RDH8: variants seen among roughly 807,000 people sequenced by gnomAD.
The protein encoded by RDH8 is photoreceptor outer segment all-trans retinol dehydrogenase.
In RDH8, 14 loss-of-function variants were observed where a neutral mutation model predicts 22.3. The ratio of observed to expected loss-of-function variants is 0.63; its 90% CI spans 0.42 to 0.98. The LOEUF is 0.98. RDH8 is among the 50% of genes least tolerant of loss of function. The probability of loss-of-function intolerance (pLI) is 0.00; values close to 1 mark genes in which losing one functional copy is unlikely to be tolerated. For synonymous variants in RDH8, 175 were observed against 171.7 expected, an observed-to-expected ratio of 1.02 and a Z score of -0.15; for missense variants, 389 against 409.8, an observed-to-expected ratio of 0.95 and a Z score of 0.44.
In RDH8 at chr19:10,021,263, TG is replaced by T; in HGVS notation, c.547del (p.Val183TrpfsTer82). 2 of 1,614,048 alleles carry T rather than the reference TG, an allele frequency of 1.2e-6. No individual in the cohort carries two copies. Among genetic ancestry groups the T allele is most frequent in the South Asian group, 2.2e-5 (2 of 91,082 alleles). ...CCATGCCTGGTCGCCAGCATCTCCCTGGTGGAGCCAGGCCCCGTGGTCACCG... is the reference window on the plus strand; with the variant it reads ...CCATGCCTGGTCGCCAGCATCTCCCTGTGGAGCCAGGCCCCGTGGTCACCG... ...QLLQFNIFIS[L>X]VEPGPVVTEF... On this transcript the variant is annotated frameshift_variant, in exon 5 of 6. Transcript: ENST00000591589. LOFTEE classifies it high-confidence loss of function.
rs1285445055 is a variant in RDH8 at position 10,021,517 on chromosome 19, G to A, written c.721-17G>A. ...GGCCCTCCCTGGGTCCCAGCGCTCA[G>A]GGCCTCCATTCTGCAGGCCATTGTC... On this transcript the variant is annotated splice_polypyrimidine_tract_variant and intron_variant, in intron 5 of 5. Coordinates refer to ENST00000591589, the MANE Select transcript of RDH8 (RefSeq NM_015725.4). 1 of 1,614,016 alleles carries A rather than the reference G, an allele frequency of 6.2e-7. No homozygotes were observed. Among genetic ancestry groups the A allele is most frequent in the East Asian group, 2.2e-5 (1 of 44,872 alleles).
At chr19:10,019,757 C>T (rs1430561986) in intron 3 of RDH8, among the ~76,000 whole-genome samples, 1 of 150,770 alleles carries the variant, frequency 6.6e-6, no homozygotes, top group East Asian at 2.0e-4. Context: ...GCTGAGATTG[C>T]GCCATTGCAC....
Position 10,017,127 on chromosome 19 carries a change from G to T in RDH8, c.174G>T (p.Gln58His), listed in dbSNP as rs762128512. 1 of 1,611,438 alleles carries T rather than the reference G, an allele frequency of 6.2e-7. No homozygotes were observed. Among genetic ancestry groups the T allele is most frequent in the East Asian group, 2.2e-5 (1 of 44,858 alleles). ...CAGCTGCTGGGGAGGCTCTGGGGCA[G>T]ACCCTCACCGTGGCCCAGCTGGACG... ...LEAAAGEALG[Q>H]TLTVAQLDVC... Residue 58 changes from glutamine (Q) to histidine (H), a missense_variant, in exon 2 of 6, where the codon CAG becomes CAT. Gln to His is a conservative substitution (Grantham distance 24, BLOSUM62 0). Transcript: ENST00000591589.
intron 1 of RDH8, among the ~76,000 whole-genome samples, chr19:10,015,147 C>T (rs1030265304): frequency 6.6e-6 from 1 of 152,100 alleles, no homozygotes; most frequent in Non-Finnish European, 1.5e-5. Context: ...ATGCTGAGGT[C>T]CTGCTTAAGA....
chr19:10,017,328 TGGGCAGAAG>T, intron 2 of RDH8, 113 bp downstream of exon 2: 3 of 1,181,798 alleles, frequency 2.5e-6, no homozygotes, highest in Non-Finnish European at 3.4e-6. Context: ...TCTCTGAACC[TGGGCAGAAG>T]GGGTAGACCA....
rs1020520832 is a variant in RDH8, at chr19:10,018,754, G to A, written c.286G>A (p.Val96Met). 19 of 1,611,608 alleles carry A rather than the reference G, an allele frequency of 1.2e-5. No individual in the cohort carries two copies. Among genetic ancestry groups the A allele is most frequent in the Non-Finnish European group, 1.6e-5 (19 of 1,178,506 alleles). The change falls in exon 3 of 6, where the codon GTG becomes ATG. Residue 96 changes from valine to methionine, a missense_variant. Val to Met is a conservative substitution (Grantham distance 21). Transcript: ENST00000591589. Reference sequence around the variant, plus strand: ...AGTGAATAATGCTGGAATGGGCCTGGTGGGGCCCCTGGAGGGGCTCAGCCT... The same window carrying A: ...AGTGAATAATGCTGGAATGGGCCTGATGGGGCCCCTGGAGGGGCTCAGCCT... ...VLVNNAGMGLVGPLEGLSLAA... is the reference protein window; with the variant it reads ...VLVNNAGMGLMGPLEGLSLAA...
Position 10,021,986 on chromosome 19 carries a change from C to T in RDH8, c.*237C>T, listed in dbSNP as rs2287801. 0.11 allele frequency: 59,531 copies of T among 548,876 alleles called. 3,570 individuals carry two copies. Among genetic ancestry groups the T allele is most frequent in the South Asian group, 0.16 (7,018 of 44,308 alleles). The allele number at this position is 548,876 out of a possible 1,614,324, so 34.0% of individuals were successfully genotyped here. A position where few individuals can be genotyped will look rare whatever the true frequency, so the allele number is the denominator to read the frequency against. Reference sequence around the variant, plus strand: ...GGAACTTGGCCTGGGAAGCCCAGAGCAGGAAGCCACAGCTGTCTCTGGGAA... The same window carrying T: ...GGAACTTGGCCTGGGAAGCCCAGAGTAGGAAGCCACAGCTGTCTCTGGGAA... On this transcript the variant is annotated 3_prime_UTR_variant, in exon 6 of 6. Coordinates refer to ENST00000591589, the MANE Select transcript of RDH8 (RefSeq NM_015725.4).
chr19:10,019,019 G>A lies in RDH8; in HGVS notation c.442+109G>A, dbSNP rs914695321. On this transcript the variant is annotated intron_variant, in intron 3 of 5. Coordinates refer to ENST00000591589, the MANE Select transcript of RDH8 (RefSeq NM_015725.4). ...CATATTCTAAATTAGCATGGACCCT[G>A]GGCACGGTGATTCATGCCTGTAATC... 7 of 915,864 alleles carry A rather than the reference G, an allele frequency of 7.6e-6. No individual in the cohort carries two copies. In the African/African-American group the frequency reaches 1.2e-4, roughly 15 times the overall value. 56.7% of individuals were successfully genotyped at this position (915,864 alleles called of 1,614,324 possible). A position where few individuals can be genotyped will look rare whatever the true frequency, so the allele number is the denominator to read the frequency against.
Position 10,017,067 on chromosome 19 carries a change from C to T in RDH8, c.114C>T (p.Thr38=). The change falls in exon 2 of 6, where the codon ACC becomes ACT. Residue 38 remains threonine (T), a synonymous_variant. Transcript: ENST00000591589. ...CTCTCTGCCCCGCAGTCGTGGCCAC[C>T]ATGAGGGACCTGGGGAAGAAGGAGA... The part of the protein sequence containing the change: ...DPKKRYQVVA[T]MRDLGKKETL... 1 of 1,581,544 alleles carries T rather than the reference C, an allele frequency of 6.3e-7. No individual in the cohort carries two copies. The highest frequency in any genetic ancestry group is 1.3e-5 in the African/African-American group (1 of 74,488).
At position 10,022,138 on chromosome 19, in the gene RDH8, A is replaced by C; in HGVS notation, c.*389A>C. The C allele has an allele frequency of 4.5e-6, 1 of 219,886 alleles. No homozygotes were observed. Among genetic ancestry groups the C allele is most frequent in the East Asian group, 1.2e-4 (1 of 8,472 alleles). The allele number at this position is 219,886 out of a possible 1,614,324, so 13.6% of individuals were successfully genotyped here. ...AGAACACAGGAATGATTCATAGCCC[A>C]CCCCCCACCTCCATGCATACACCAG... On this transcript the variant is annotated 3_prime_UTR_variant, in exon 6 of 6. Coordinates refer to ENST00000591589, the MANE Select transcript of RDH8 (RefSeq NM_015725.4).
In RDH8 at chr19:10,013,706, C is replaced by G; in HGVS notation, c.103+106C>G. 2.6e-6 allele frequency: 3 copies of G among 1,139,118 alleles called. 1 individual carries two copies. 70.6% of individuals were successfully genotyped at this position (1,139,118 alleles called of 1,614,324 possible). A position where few individuals can be genotyped will look rare whatever the true frequency, so the allele number is the denominator to read the frequency against. ...AGCTGCACTTGTGGGCTTGGGGAGA[C>G]CCAGGATTCCCTCCAGGAATCATCC... On this transcript the variant is annotated intron_variant, in intron 1 of 5. Transcript: ENST00000591589.
chr19:10,020,049 G>A (rs2087645928), intron 3 of RDH8, among the ~76,000 whole-genome samples: 1 of 151,910 alleles, frequency 6.6e-6, no homozygotes, highest in South Asian at 2.1e-4. Context: ...GCTGAGGCAG[G>A]AGATTCACTT....
In RDH8 at chr19:10,021,592, G is replaced by A. The variant is rs1433016829; in HGVS notation, c.779G>A (p.Arg260His). The A allele has an allele frequency of 1.9e-6, 3 of 1,614,008 alleles. No individual in the cohort carries two copies. Among genetic ancestry groups the A allele is most frequent in the African/African-American group, 1.3e-5 (1 of 74,918 alleles). Residue 260 changes from arginine (R) to histidine (H), a missense_variant, in exon 6 of 6, where the codon CGC becomes CAC. Coordinates refer to ENST00000591589, the MANE Select transcript of RDH8 (RefSeq NM_015725.4). ...RPPLRRQTNI[R>H]YSPLTTLKTV... ...CCCCTGCGCCGACAGACCAACATCC[G>A]CTACTCGCCGCTGACCACGCTCAAA...
At chr19:10,014,217 G>C (rs945282126) in intron 1 of RDH8, among the ~76,000 whole-genome samples, 1 of 152,172 alleles carries the variant, frequency 6.6e-6, no homozygotes, top group South Asian at 2.1e-4. Context: ...GAGTCAAAGT[G>C]GGCAAAGGGT....
intron 1 of RDH8, among the ~76,000 whole-genome samples, chr19:10,015,318 T>G (rs1433789124): frequency 1.3e-5 from 2 of 151,644 alleles, no homozygotes; most frequent in African/African-American, 2.4e-5. Context: ...CCAGGCGTGG[T>G]GGTGGATGCC....
chr19:10,021,683 C>T lies in RDH8; in HGVS notation c.870C>T (p.Arg290=), dbSNP rs147668329. 8 of 1,614,058 alleles carry T rather than the reference C, an allele frequency of 5.0e-6. No homozygotes were observed. In the African/African-American group the frequency reaches 1.1e-4, roughly 22 times the overall value. The change falls in exon 6 of 6, where the codon CGC becomes CGT. Residue 290 remains arginine (R), a synonymous_variant. Coordinates refer to ENST00000591589, the MANE Select transcript of RDH8 (RefSeq NM_015725.4). ...ACCGCCTCCTCTTCCGCTGTCCACG[C>T]CTCCTCAACCTTGGCCTTCAATGTC... is the stretch of plus-strand genomic sequence containing the variant. ...TTHRLLFRCP[R]LLNLGLQCLS...
At position 10,013,492 on chromosome 19, in the gene RDH8, A is replaced by T; in HGVS notation, c.-6A>T. The T allele has an allele frequency of 6.2e-7, 1 of 1,612,176 alleles. No homozygotes were observed. The highest frequency in any genetic ancestry group is 8.5e-7 in the Non-Finnish European group (1 of 1,179,990). ...CGGAGGTCACGAGTCCAGGGAGGGG[A>T]TCAACATGGCCGCTGCACCCCGGAC... On this transcript the variant is annotated 5_prime_UTR_variant, in exon 1 of 6. Coordinates refer to ENST00000591589, the MANE Select transcript of RDH8 (RefSeq NM_015725.4).
At chr19:10,021,096 C>A in intron 4 of RDH8, 159 bp from the exon 5 acceptor site, 1 of 697,986 alleles carries the variant, frequency 1.4e-6, no homozygotes, top group Non-Finnish European at 2.4e-6. Flanking sequence ...ATTGTTTGAA[C>A]CCAGGAGTTG....
intron 1 of RDH8, 32 bp from the exon 2 acceptor site, chr19:10,017,025 T>G: frequency 6.7e-7 from 1 of 1,502,330 alleles, no homozygotes; most frequent in Non-Finnish European, 8.9e-7. Context: ...AGGAGCTCAG[T>G]GCCTGTCCCT....
Sources: allele counts gnomAD v4.1 joint callset (sites outside exome capture counted in the v4.1 genomes callset), GRCh38; gene constraint gnomAD v4.1.1; transcripts MANE v1.5; gene names NCBI Gene and HGNC (gene_info 2026-07-23, HGNC 2026-07-21).